Variants in SWAP70 observed in about 807,000 individuals in gnomAD.
SWAP70 encodes the protein switch-associated protein 70.
Under a neutral mutation model 80.2 loss-of-function variants are expected in SWAP70, and 34 were observed. That is an observed-to-expected ratio of 0.42 (90% CI 0.32 to 0.56). SWAP70 has a LOEUF of 0.56. Among genes scored for constraint, SWAP70 ranks in the 20% least tolerant of loss-of-function variants. The pLI is 0.09. For missense variants in SWAP70, 578 were observed against 690.7 expected, an observed-to-expected ratio of 0.84 and a Z score of 1.83; for synonymous variants, 239 against 238.5, an observed-to-expected ratio of 1.00 and a Z score of -0.02.
At chr11:9,668,834 CAG>C (rs1226889303) in intron 1 of SWAP70, among the ~76,000 whole-genome samples, 33 of 152,014 alleles carry the variant, frequency 2.2e-4, no homozygotes, top group African/African-American at 7.5e-4. Context: ...ACTTTTGACA[CAG>C]AGAATGGATA....
rs1565109872 is a variant in SWAP70 at position 9,671,758 on chromosome 11, A to ATATTTATAAATATAAATATAT, written c.99+7480_99+7481insTATTTATAAATATAAATATAT. ...TGTATACATAGAAATATAAATATATAAATATATAATATAAATATAATATAT... is the reference window on the plus strand; with the variant it reads ...TGTATACATAGAAATATAAATATATATATTTATAAATATAAATATATAATATATAATATAAATATAATATAT... On this transcript the variant is annotated intron_variant, in intron 1 of 11. Coordinates refer to ENST00000318950, the MANE Select transcript of SWAP70 (RefSeq NM_015055.4). Among the ~76,000 whole-genome samples, 189 of 34,814 alleles carry ATATTTATAAATATAAATATAT rather than the reference A, an allele frequency of 5.4e-3. 13 individuals carry two copies. Among genetic ancestry groups the ATATTTATAAATATAAATATAT allele is most frequent in the African/African-American group, 0.014 (180 of 13,058 alleles). 22.8% of individuals were successfully genotyped at this position (34,814 alleles called of 152,430 possible).
intron 1 of SWAP70, among the ~76,000 whole-genome samples, chr11:9,669,030 A>G (rs1275589817): frequency 1.3e-5 from 2 of 152,214 alleles, no homozygotes; most frequent in Admixed American, 6.5e-5. Context: ...TCCTTAAAAA[A>G]CATAAAGTCT....
Position 9,721,762 on chromosome 11 carries a change from C to T in SWAP70, c.415-2896C>T, listed in dbSNP as rs1851141123. ...GGATTACAGGCTTGAGCCATCACACCTGGCTTCTCTTGATATTTTTTGAAC... is the reference window on the plus strand; with the variant it reads ...GGATTACAGGCTTGAGCCATCACACTTGGCTTCTCTTGATATTTTTTGAAC... On this transcript the variant is annotated intron_variant, in intron 3 of 11. Coordinates refer to ENST00000318950, the MANE Select transcript of SWAP70 (RefSeq NM_015055.4). Among the ~76,000 whole-genome samples the T allele has an allele frequency of 2.0e-5, 3 of 152,260 alleles. No homozygotes were observed. In the South Asian group the frequency reaches 6.2e-4, roughly 32 times the overall value.
intron 1 of SWAP70, among the ~76,000 whole-genome samples, chr11:9,693,523 T>A (rs151126086): frequency 9.8e-5 from 15 of 152,340 alleles, no homozygotes; most frequent in Middle Eastern, 3.4e-3. Flanking sequence ...TTCTTTCTCT[T>A]TTTATATTTA....
At chr11:9,720,866 A>AGCACAGTG (rs1253192741) in intron 3 of SWAP70, among the ~76,000 whole-genome samples, 6 of 152,022 alleles carry the variant, frequency 3.9e-5, no homozygotes, top group Admixed American at 3.9e-4. Context: ...CCCAGGCTGG[A>AGCACAGTG]GCACAGTGGC....
intron 7 of SWAP70, among the ~76,000 whole-genome samples, chr11:9,736,560 AG>A (rs1851365856): frequency 1.3e-5 from 2 of 151,922 alleles, no homozygotes; most frequent in Non-Finnish European, 2.9e-5. Flanking sequence ...GGACTATTTC[AG>A]TGAAGTTTGT....
chr11:9,698,260 C>G (rs901245699), intron 2 of SWAP70, among the ~76,000 whole-genome samples: 11 of 152,046 alleles, frequency 7.2e-5, no homozygotes, highest in African/African-American at 2.4e-4. Context: ...GCCACCACGC[C>G]TGGCTGATTT....
intron 2 of SWAP70, among the ~76,000 whole-genome samples, chr11:9,698,538 G>A (rs930136933): frequency 6.6e-6 from 1 of 151,882 alleles, no homozygotes; most frequent in South Asian, 2.1e-4. Context: ...TTGAGTAGCT[G>A]TGACAACAGG....
chr11:9,707,015 C>T lies in SWAP70; in HGVS notation c.241-6451C>T, dbSNP rs141629226. Among the ~76,000 whole-genome samples the T allele has an allele frequency of 8.9e-3, 1,357 of 151,824 alleles. 10 individuals carry two copies. Among genetic ancestry groups the T allele is most frequent in the African/African-American group, 0.015 (627 of 41,384 alleles). On this transcript the variant is annotated intron_variant, in intron 2 of 11. Coordinates refer to ENST00000318950, the MANE Select transcript of SWAP70 (RefSeq NM_015055.4). ...TATTCTTAGAACCTTGAAAACCATT[C>T]GGTATAGTGTATGGTATATGAAATT...
chr11:9,720,969 C>T (rs1210629552), intron 3 of SWAP70, among the ~76,000 whole-genome samples: 1 of 152,144 alleles, frequency 6.6e-6, no homozygotes, highest in Non-Finnish European at 1.5e-5. Context: ...GTGCGCACCA[C>T]CACACCCAGC....
chr11:9,683,937 C>T (rs1052027185), intron 1 of SWAP70, among the ~76,000 whole-genome samples: 1 of 151,958 alleles, frequency 6.6e-6, no homozygotes, highest in African/African-American at 2.4e-5. Context: ...AGGGACCATG[C>T]GGGGTCAGGT....
chr11:9,698,260 CT>C (rs1850786285), intron 2 of SWAP70, among the ~76,000 whole-genome samples: 1 of 152,046 alleles, frequency 6.6e-6, no homozygotes, highest in Non-Finnish European at 1.5e-5. Flanking sequence ...GCCACCACGC[CT>C]GGCTGATTTT....
At chr11:9,742,682 G>T (rs58073079) in intron 9 of SWAP70, among the ~76,000 whole-genome samples, 15,072 of 152,058 alleles carry the variant, frequency 0.099, 1,895 homozygotes, top group East Asian at 0.28. Context: ...TGAAGTCACT[G>T]AAGGCTGTGG....
At chr11:9,749,791 T>C in intron 11 of SWAP70, 73 bp from the exon 12 acceptor site, 2 of 924,114 alleles carry the variant, frequency 2.2e-6, no homozygotes, top group South Asian at 1.4e-5. Flanking sequence ...GTTACTATTT[T>C]GTCTGTAGAA....
At chr11:9,666,691 C>G (rs1036956686) in intron 1 of SWAP70, among the ~76,000 whole-genome samples, 1 of 149,724 alleles carries the variant, frequency 6.7e-6, no homozygotes, top group African/African-American at 2.5e-5. Flanking sequence ...AAATTTTATT[C>G]TTTTTTTCCA....
At chr11:9,737,249 G>C (rs1294497609) in intron 7 of SWAP70, among the ~76,000 whole-genome samples, 1 of 152,130 alleles carries the variant, frequency 6.6e-6, no homozygotes, top group African/African-American at 2.4e-5. Flanking sequence ...CTGAGGGGAG[G>C]GGAACCCTTG....
chr11:9,694,460 C>A (rs1277769375), intron 2 of SWAP70, among the ~76,000 whole-genome samples, 174 bp downstream of exon 2: 1 of 152,146 alleles, frequency 6.6e-6, no homozygotes, highest in Non-Finnish European at 1.5e-5. Flanking sequence ...CTTCCCTCTC[C>A]TCCACTGTCT....
At chr11:9,726,626 C>A (rs764255477) in intron 4 of SWAP70, among the ~76,000 whole-genome samples, 25 of 152,166 alleles carry the variant, frequency 1.6e-4, no homozygotes, top group Non-Finnish European at 3.5e-4. Context: ...AATATAATAA[C>A]CAACTGAAAC....
chr11:9,708,564 C>T (rs941692385), intron 2 of SWAP70, among the ~76,000 whole-genome samples: 2 of 152,192 alleles, frequency 1.3e-5, no homozygotes, highest in Admixed American at 6.5e-5. Flanking sequence ...TGTTTTCCTA[C>T]AGGCTATTTC....
Sources: gnomAD v4.1 joint callset for allele counts (sites outside exome capture counted in the v4.1 genomes callset) on GRCh38, gnomAD v4.1.1 for gene constraint, MANE v1.5 for transcripts, NCBI Gene and HGNC (gene_info 2026-07-23, HGNC 2026-07-21) for gene names.